The following HACE1 variants were observed in gnomAD, a reference collection of about 807,000 sequenced individuals.
The protein encoded by HACE1 is HECT domain and ankyrin repeat containing E3 ubiquitin protein ligase 1.
A neutral mutation model predicts 118.4 loss-of-function variants in HACE1; 73 were observed. The observed-to-expected ratio is 0.62, with a 90% CI of 0.51 to 0.75. HACE1 has a LOEUF of 0.75. Among genes scored for constraint, HACE1 ranks in the 30% least tolerant of loss-of-function variants. The pLI is 0.00. For missense variants in HACE1, 749 were observed against 1,102.2 expected (o/e 0.68, Z 4.54); for synonymous variants, 368 against 374.8 (o/e 0.98, Z 0.21).
rs1008895033 is a variant in HACE1, at chr6:104,771,821, A to G, written c.2014+104T>C. 6 of 847,722 alleles carry G rather than the reference A, an allele frequency of 7.1e-6. No homozygotes were observed. In the African/African-American group the frequency reaches 1.0e-4, roughly 15 times the overall value. 52.5% of individuals were successfully genotyped at this position (847,722 alleles called of 1,614,324 possible). ...CATATACAGATGGGCTCCAATCAAA[A>G]TAAAAATTATCTCATCCAAAATACT... On this transcript the variant is annotated intron_variant, in intron 18 of 23. Transcript: ENST00000262903.
intron 5 of HACE1, among the ~76,000 whole-genome samples, chr6:104,834,766 A>T (rs1774358692): frequency 6.6e-6 from 1 of 152,238 alleles, no homozygotes; most frequent in East Asian, 1.9e-4. Context: ...AATGTGATTC[A>T]GATCACAGGA....
At chr6:104,744,466 T>TA (rs1394031813) in intron 21 of HACE1, 46 bp downstream of exon 21, 30 of 1,105,240 alleles carry the variant, frequency 2.7e-5, no homozygotes, top group Non-Finnish European at 4.2e-5. Flanking sequence ...CTTACAAAAT[T>TA]AAACGGCAAA....
intron 5 of HACE1, among the ~76,000 whole-genome samples, chr6:104,833,531 A>G (rs1429363175): frequency 6.6e-6 from 1 of 152,132 alleles, no homozygotes; most frequent in Admixed American, 6.5e-5. Flanking sequence ...AGATTACATT[A>G]CCACAGATTT....
intron 7 of HACE1, among the ~76,000 whole-genome samples, chr6:104,809,247 A>G (rs537231219): frequency 4.6e-5 from 7 of 152,328 alleles, no homozygotes; most frequent in African/African-American, 1.7e-4. Flanking sequence ...GAGACAGACT[A>G]TAAGAAAGTA....
chr6:104,737,748 G>A (rs1468799335), intron 22 of HACE1, among the ~76,000 whole-genome samples: 2 of 152,230 alleles, frequency 1.3e-5, no homozygotes, highest in South Asian at 2.1e-4. Context: ...GCGAGGCTGG[G>A]GGAGGGGCGC....
At chr6:104,762,345 T>C (rs909129182) in intron 19 of HACE1, among the ~76,000 whole-genome samples, 1 of 152,154 alleles carries the variant, frequency 6.6e-6, no homozygotes, top group African/African-American at 2.4e-5. Flanking sequence ...GTGGCACATA[T>C]ACACCATGAA....
chr6:104,845,367 AC>A (rs1370696970), intron 4 of HACE1, among the ~76,000 whole-genome samples: 1 of 152,200 alleles, frequency 6.6e-6, no homozygotes, highest in Non-Finnish European at 1.5e-5. Flanking sequence ...TTAGAAAAAA[AC>A]AACTGACAAG....
chr6:104,767,875 A>G (rs773333407), intron 19 of HACE1, among the ~76,000 whole-genome samples: 7 of 152,082 alleles, frequency 4.6e-5, no homozygotes, highest in Non-Finnish European at 7.4e-5. Flanking sequence ...CCATTCCCTG[A>G]TACCTGCCCC....
intron 11 of HACE1, 50 bp downstream of exon 11, chr6:104,791,454 T>C: frequency 6.7e-7 from 1 of 1,499,558 alleles, no homozygotes. Context: ...CTTTGTCAAA[T>C]TCATCTCTTT....
intron 7 of HACE1, among the ~76,000 whole-genome samples, chr6:104,807,913 A>C (rs913086174): frequency 6.6e-6 from 1 of 152,300 alleles, no homozygotes. Context: ...AGGGCCAGGC[A>C]CGGTGGCTCA....
chr6:104,778,433 G>A (rs1160310210), intron 14 of HACE1, among the ~76,000 whole-genome samples: 1 of 151,942 alleles, frequency 6.6e-6, no homozygotes, highest in Non-Finnish European at 1.5e-5. Flanking sequence ...TAGAAGTCCT[G>A]GTCATGGTAG....
chr6:104,781,965 G>A (rs1486784364), intron 14 of HACE1, among the ~76,000 whole-genome samples: 1 of 152,120 alleles, frequency 6.6e-6, no homozygotes, highest in Non-Finnish European at 1.5e-5. Context: ...AGGGAAAAAG[G>A]AATAGAAAGT....
rs74564105 is a variant in HACE1 at position 104,842,551 on chromosome 6, T to G, written c.402+672A>C. Among the ~76,000 whole-genome samples the G allele has an allele frequency of 2.3e-4, 35 of 152,190 alleles. No individual in the cohort carries two copies. In the East Asian group the frequency reaches 6.4e-3, roughly 28 times the overall value. Reference sequence around the variant, plus strand: ...TTTTTTATTCCTTTCTGACTAGCTATCTAATTCTACAATGAACATATTAAA... The same window carrying G: ...TTTTTTATTCCTTTCTGACTAGCTAGCTAATTCTACAATGAACATATTAAA... On this transcript the variant is annotated intron_variant, in intron 5 of 23. Transcript: ENST00000262903.
intron 7 of HACE1, among the ~76,000 whole-genome samples, chr6:104,805,440 A>C (rs190417957): frequency 8.5e-5 from 13 of 152,332 alleles, no homozygotes; most frequent in African/African-American, 3.1e-4. Flanking sequence ...AATAGCAAAG[A>C]CTTGCAACCA....
At chr6:104,823,260 ACT>A (rs570412653) in intron 6 of HACE1, among the ~76,000 whole-genome samples, 326 of 152,192 alleles carry the variant, frequency 2.1e-3, no homozygotes, top group African/African-American at 7.6e-3. Context: ...ATGGTGAAAC[ACT>A]GTCTCTACTA....
At chr6:104,742,011 T>G (rs1373333548) in intron 22 of HACE1, among the ~76,000 whole-genome samples, 1 of 147,840 alleles carries the variant, frequency 6.8e-6, no homozygotes, top group Non-Finnish European at 1.5e-5. Context: ...ACGCCACGTA[T>G]CTACAACTAT....
At chr6:104,752,015 A>T (rs1778109207) in intron 19 of HACE1, among the ~76,000 whole-genome samples, 1 of 151,742 alleles carries the variant, frequency 6.6e-6, no homozygotes, top group East Asian at 1.9e-4. Context: ...CAAGTTCTAT[A>T]TGACTGCTAG....
At chr6:104,840,931 C>A (rs1775055431) in intron 5 of HACE1, among the ~76,000 whole-genome samples, 1 of 152,110 alleles carries the variant, frequency 6.6e-6, no homozygotes, top group Non-Finnish European at 1.5e-5. Context: ...CCATTGCACT[C>A]CAGCCTGGGC....
chr6:104,729,607 T>C lies in HACE1; in HGVS notation c.*55A>G. The C allele has an allele frequency of 1.1e-6, 1 of 896,360 alleles. No individual in the cohort carries two copies. Among genetic ancestry groups the C allele is most frequent in the South Asian group, 1.3e-5 (1 of 76,862 alleles). The allele number at this position is 896,360 out of a possible 1,614,324, so 55.5% of individuals were successfully genotyped here. ...CTTTTTTGTTGACATTTTCCCAAAT[T>C]ACTTCTGCCATTCTGAATTGTGCAT... On this transcript the variant is annotated 3_prime_UTR_variant, in exon 24 of 24. Transcript: ENST00000262903.
Sources: allele counts gnomAD v4.1 joint callset (sites outside exome capture counted in the v4.1 genomes callset), GRCh38; gene constraint gnomAD v4.1.1; transcripts MANE v1.5; gene names NCBI Gene and HGNC (gene_info 2026-07-23, HGNC 2026-07-21).